Variants in SPMIP4 observed in about 807,000 individuals in gnomAD.
The protein encoded by SPMIP4 is sperm-associated microtubule inner protein 4.
At chr7:25,142,676 AC>A in the SPMIP4 span, 1 of 1,613,094 alleles carries the variant, frequency 6.2e-7, no homozygotes, top group African/African-American at 1.3e-5. Flanking sequence ...AGCCAGTGGG[AC>A]CTCTCAAGAT....
At chr7:25,154,915 T>A in the SPMIP4 span, 2 of 1,174,682 alleles carry the variant, frequency 1.7e-6, no homozygotes, top group Non-Finnish European at 2.4e-6. Flanking sequence ...CACACATTTG[T>A]GACTTGAGTC....
At chr7:25,136,100 A>T in the SPMIP4 span, 6 of 1,614,090 alleles carry the variant, frequency 3.7e-6, no homozygotes, top group South Asian at 2.2e-5. The surrounding 1 kb of genome is among the most constrained non-coding windows in gnomAD (Gnocchi z 5.7). Flanking sequence ...CCAGTTTTTG[A>T]AAAAGAGTTC....
the SPMIP4 span, chr7:25,142,761 T>G: frequency 6.3e-7 from 1 of 1,591,144 alleles, no homozygotes; most frequent in Non-Finnish European, 8.5e-7. Context: ...GAGCGAAGGT[T>G]TTAGGAGGTT....
At chr7:25,162,405 TA>T in the SPMIP4 span, among the ~76,000 whole-genome samples, 1 of 151,120 alleles carries the variant, frequency 6.6e-6, no homozygotes, top group Non-Finnish European at 1.5e-5. Flanking sequence ...TTAATAAAGA[TA>T]ACACATAAAG....
the SPMIP4 span, among the ~76,000 whole-genome samples, chr7:25,131,662 C>T: frequency 6.0e-4 from 91 of 152,288 alleles, no homozygotes; most frequent in African/African-American, 2.2e-3. This position sits in a 1 kb window ranked among gnomAD's most constrained non-coding sequence, Gnocchi z 4.2. Flanking sequence ...TGGCAAGCCT[C>T]GTGTTCTCTG....
the SPMIP4 span, among the ~76,000 whole-genome samples, chr7:25,160,757 G>A: frequency 2.4e-4 from 36 of 152,186 alleles, no homozygotes; most frequent in Non-Finnish European, 8.8e-5. Context: ...CTTAGGAAGT[G>A]TTATTAAGAG....
the SPMIP4 span, among the ~76,000 whole-genome samples, chr7:25,162,853 C>G: frequency 6.6e-6 from 1 of 152,092 alleles, no homozygotes; most frequent in East Asian, 1.9e-4. Context: ...CTCACTGCAA[C>G]TTCTACCTCC....
the SPMIP4 span, chr7:25,151,642 G>A: frequency 6.2e-7 from 1 of 1,611,394 alleles, no homozygotes; most frequent in African/African-American, 1.3e-5. Context: ...TTTCTTCTTT[G>A]AATCCATGGG....
At chr7:25,165,890 C>G in the SPMIP4 span, among the ~76,000 whole-genome samples, 2 of 152,200 alleles carry the variant, frequency 1.3e-5, no homozygotes, top group African/African-American at 4.8e-5. Context: ...TTACAATACC[C>G]TCTCTACATT....
At chr7:25,173,441 C>T in the SPMIP4 span, among the ~76,000 whole-genome samples, 2 of 152,190 alleles carry the variant, frequency 1.3e-5, no homozygotes, top group Non-Finnish European at 2.9e-5. The surrounding 1 kb of genome is among the most constrained non-coding windows in gnomAD (Gnocchi z 4.4). Context: ...GCTTTTGCCC[C>T]ACAATGGCAG....
chr7:25,153,146 G>A, the SPMIP4 span, among the ~76,000 whole-genome samples: 625 of 152,270 alleles, frequency 4.1e-3, 9 homozygotes, highest in African/African-American at 0.015. Flanking sequence ...GGTTGTTAGA[G>A]GATGCTCATC....
the SPMIP4 span, among the ~76,000 whole-genome samples, chr7:25,169,659 C>G: frequency 6.6e-6 from 1 of 152,134 alleles, no homozygotes; most frequent in East Asian, 1.9e-4. Flanking sequence ...CAGCCTCTAC[C>G]TCACCTCAGG....
chr7:25,148,761 C>T, the SPMIP4 span, among the ~76,000 whole-genome samples: 1 of 152,134 alleles, frequency 6.6e-6, no homozygotes, highest in African/African-American at 2.4e-5. Context: ...GGATTACAGG[C>T]GTGAGCCACT....
the SPMIP4 span, chr7:25,158,458 C>G: frequency 1.4e-5 from 19 of 1,368,242 alleles, no homozygotes; most frequent in Non-Finnish European, 1.3e-5. Context: ...ATTTTTTTTT[C>G]TTTGATTATA....
the SPMIP4 span, chr7:25,136,304 G>GGTCT: frequency 6.2e-7 from 1 of 1,614,118 alleles, no homozygotes; most frequent in Non-Finnish European, 8.5e-7. The surrounding 1 kb of genome is among the most constrained non-coding windows in gnomAD (Gnocchi z 5.7). Flanking sequence ...AGGCTAACAG[G>GGTCT]GTCTGGACAC....
At chr7:25,143,473 C>G in the SPMIP4 span, among the ~76,000 whole-genome samples, 1,272 of 151,632 alleles carry the variant, frequency 8.4e-3, 10 homozygotes, top group Non-Finnish European at 0.013. Context: ...GGATCCAAAA[C>G]AAATCTTGCC....
the SPMIP4 span, chr7:25,179,407 T>A: frequency 2.2e-6 from 3 of 1,352,940 alleles, no homozygotes; most frequent in South Asian, 4.3e-5. Flanking sequence ...ACTGCTAAAT[T>A]GTTCAACCTG....
At chr7:25,128,574 C>T in the SPMIP4 span, among the ~76,000 whole-genome samples, 62 of 152,274 alleles carry the variant, frequency 4.1e-4, 1 homozygote, top group Middle Eastern at 3.4e-3. The surrounding 1 kb of genome is among the most constrained non-coding windows in gnomAD (Gnocchi z 4.5). Context: ...CTATTAGTCC[C>T]GAGTTTCTCC....
the SPMIP4 span, among the ~76,000 whole-genome samples, chr7:25,134,342 AAAAAAAAAAACC>A: frequency 6.6e-6 from 1 of 151,500 alleles, no homozygotes; most frequent in Non-Finnish European, 1.5e-5. Context: ...GTAAAAAAAA[AAAAAAAAAAACC>A]AAAAAAACAA....
Sources: gnomAD v4.1 joint callset for allele counts (sites outside exome capture counted in the v4.1 genomes callset) on GRCh38, gnomAD v4.1.1 for gene constraint, Gnocchi (gnomAD v3.1) non-coding constraint, MANE v1.5 for transcripts, NCBI Gene and HGNC (gene_info 2026-07-23, HGNC 2026-07-21) for gene names.